Variants in FAT1 observed in about 807,000 individuals in gnomAD.
FAT1 encodes FAT atypical cadherin 1, also known as protocadherin Fat 1.
Under a neutral mutation model 329.8 loss-of-function variants are expected in FAT1, and 171 were observed. The observed-to-expected ratio is 0.52, with a 90% CI of 0.46 to 0.59. The LOEUF is 0.59. Ranked by LOEUF, FAT1 falls within the 20% of genes least tolerant of loss-of-function variation. The pLI, the probability that FAT1 is intolerant of heterozygous loss-of-function variation, is 0.00. For missense variants in FAT1, 5,672 were observed against 5,774.4 expected (o/e 0.98, Z 0.57); for synonymous variants, 2,233 against 2,228.6 (o/e 1.00, Z -0.06).
chr4:186,602,907 G>A lies in FAT1; in HGVS notation c.11478C>T (p.Cys3826=), dbSNP rs776054231. ...CVCPSGRFGQ[C]PGSSSMTLTG... ...ACCCAACCATTCAACTCTCACCTGGGCACTGACCAAACCTGCCGCTGGGAC... is the reference window on the plus strand; with the variant it reads ...ACCCAACCATTCAACTCTCACCTGGACACTGACCAAACCTGCCGCTGGGAC... The change falls in exon 20 of 27, where the codon TGC becomes TGT. Residue 3826 remains cysteine, a synonymous_variant. Coordinates refer to ENST00000441802, the MANE Select transcript of FAT1 (RefSeq NM_005245.4). The A allele has an allele frequency of 2.5e-6, 4 of 1,613,618 alleles. No homozygotes were observed. In the South Asian group the frequency reaches 3.3e-5, roughly 13 times the overall value.
At position 186,604,724 on chromosome 4, in the gene FAT1, G is replaced by T. The variant is rs930358966; in HGVS notation, c.10351-150C>A. The T allele has an allele frequency of 5.5e-6, 3 of 543,978 alleles. No homozygotes were observed. The East Asian group carries it at 9.0e-5, about 16-fold the overall frequency. 33.7% of individuals were successfully genotyped at this position (543,978 alleles called of 1,614,324 possible). On this transcript the variant is annotated intron_variant, in intron 17 of 26. Coordinates refer to ENST00000441802, the MANE Select transcript of FAT1 (RefSeq NM_005245.4). ...AAAGGAAGAGAAGAAAGGTGGAGAC[G>T]GGAGTGTGGTGGTGAGGAGGAGGGA... is the stretch of plus-strand genomic sequence containing the variant.
intron 2 of FAT1, among the ~76,000 whole-genome samples, chr4:186,703,533 T>C (rs1357736549): frequency 6.6e-6 from 1 of 152,238 alleles, no homozygotes; most frequent in African/African-American, 2.4e-5. Flanking sequence ...CCAACACTAG[T>C]AGCTTTAAGT....
chr4:186,708,128 G>A lies in FAT1; in HGVS notation c.1700C>T (p.Pro567Leu), dbSNP rs776244424. 1.9e-6 allele frequency: 3 copies of A among 1,613,978 alleles called. No homozygotes were observed. Among genetic ancestry groups the A allele is most frequent in the South Asian group, 2.2e-5 (2 of 91,080 alleles). ...ITLNNLNDNT[P>L]LFEKINCEGT... is the part of the protein sequence containing the mutation. ...TTCACAATTTATTTTCTCAAACAAA[G>A]GTGTGTTGTCATTCAAGTTATTGAG... The change falls in exon 2 of 27, where the codon CCT becomes CTT. Residue 567 changes from proline to leucine, a missense_variant. This residue lies in a region of FAT1 where 3,966 missense variants were observed against 3,915.2 expected (regional missense o/e 1.01). Coordinates refer to ENST00000441802, the MANE Select transcript of FAT1 (RefSeq NM_005245.4).
intron 1 of FAT1, among the ~76,000 whole-genome samples, chr4:186,723,335 C>T (rs1159454667): frequency 6.6e-6 from 1 of 152,208 alleles, no homozygotes; most frequent in African/African-American, 2.4e-5. Flanking sequence ...CGGCGGGATG[C>T]CCCAGGAGAC....
rs767796174 is a variant in FAT1, at chr4:186,601,391, C to T, written c.11518G>A (p.Val3840Met). 29 of 1,613,054 alleles carry T rather than the reference C, an allele frequency of 1.8e-5. No homozygotes were observed. The highest frequency in any genetic ancestry group is 5.0e-5 in the Admixed American group (3 of 60,002). ...SSMTLTGNSYVKYRLTENENK... is the reference protein window; with the variant it reads ...SSMTLTGNSYMKYRLTENENK... ...TCATTTTCCGTCAGACGGTATTTCA[C>T]GTAGCTGTTTCCAGTCAGTGTCATA... Residue 3840 changes from valine (V) to methionine (M), a missense_variant, in exon 21 of 27, where the codon GTG becomes ATG. Transcript: ENST00000441802.
chr4:186,641,955 C>T (rs929322455), intron 3 of FAT1, among the ~76,000 whole-genome samples: 1 of 151,234 alleles, frequency 6.6e-6, no homozygotes, highest in Non-Finnish European at 1.5e-5. Context: ...CACAGTGAGC[C>T]GAGATTGCGC....
chr4:186,719,862 C>T (rs1029446800), intron 1 of FAT1, among the ~76,000 whole-genome samples: 1 of 152,174 alleles, frequency 6.6e-6, no homozygotes, highest in Non-Finnish European at 1.5e-5. Context: ...CAGAGTATTC[C>T]TACAGTCTTT....
Position 186,600,161 on chromosome 4 carries a change from T to C in FAT1, c.11840A>G (p.Asp3947Gly), listed in dbSNP as rs1396893008. The C allele has an allele frequency of 6.2e-7, 1 of 1,614,068 alleles. No individual in the cohort carries two copies. Among genetic ancestry groups the C allele is most frequent in the Non-Finnish European group, 8.5e-7 (1 of 1,179,906 alleles). ...GTGGCCACCAAAAAACACATAGTTA[T>C]CCAGGTTCAGGGTTTTCAGAGTCCC... ...APGTLKTLNL[D>G]NYVFFGGHIR... The change falls in exon 22 of 27, where the codon GAT becomes GGT. Residue 3947 changes from aspartate (D) to glycine (G), a missense_variant. By Grantham distance (94) the Asp-to-Gly change is moderately conservative (BLOSUM62 -1). Coordinates refer to ENST00000441802, the MANE Select transcript of FAT1 (RefSeq NM_005245.4).
chr4:186,684,721 C>G (rs1743385416), intron 2 of FAT1, among the ~76,000 whole-genome samples: 1 of 151,920 alleles, frequency 6.6e-6, no homozygotes, highest in Admixed American at 6.6e-5. Flanking sequence ...TAACGCAGCA[C>G]AGTGAAACAC....
chr4:186,600,342 G>A lies in FAT1; in HGVS notation c.11659C>T (p.Gln3887Ter), dbSNP rs777379412. 6.2e-7 allele frequency: 1 copy of A among 1,612,044 alleles called. No homozygotes were observed. ...CCACTTCCACAGTCAAACTTGTACT[G>A]CAGCCTTCCATGATGAATCTAGGAT... ...SILEIHHGRL[Q>*]YKFDCGSGPG... Residue 3887 changes from glutamine to a stop codon, truncating the protein, a stop_gained, in exon 22 of 27, where the codon CAG (glutamine) becomes TAG (stop). Coordinates refer to ENST00000441802, the MANE Select transcript of FAT1 (RefSeq NM_005245.4). LOFTEE classifies it high-confidence loss of function.
At chr4:186,605,080 G>A (rs78852602) in intron 17 of FAT1, among the ~76,000 whole-genome samples, 6,312 of 151,956 alleles carry the variant, frequency 0.042, 307 homozygotes, top group East Asian at 0.18. Flanking sequence ...TTAGCCGGGC[G>A]TGGTGGTGGG....
rs1442915670 is a variant in FAT1, at chr4:186,709,738, A to C, written c.90T>G (p.Thr30=). Residue 30 remains threonine (T), a synonymous_variant, in exon 2 of 27, where the codon ACT becomes ACG. Coordinates refer to ENST00000441802, the MANE Select transcript of FAT1 (RefSeq NM_005245.4). The part of the protein sequence containing the change: ...DSDGSQRLEQ[T]PLQFTHLEYN... The stretch of plus-strand genomic sequence containing the variant: ...ACTCGAGGTGTGTAAACTGCAGAGG[A>C]GTCTGTTCAAGTCGTTGGCTGCCAT... The C allele has an allele frequency of 1.9e-6, 3 of 1,613,650 alleles. No homozygotes were observed. The highest frequency in any genetic ancestry group is 2.5e-6 in the Non-Finnish European group (3 of 1,179,786).
chr4:186,651,135 A>G (rs1025828516), intron 3 of FAT1, among the ~76,000 whole-genome samples: 10 of 133,150 alleles, frequency 7.5e-5, no homozygotes, highest in African/African-American at 2.7e-4. Flanking sequence ...AATAATTACT[A>G]AATTTATTTA....
At chr4:186,592,816 G>A (rs898791463) in intron 26 of FAT1, 22 of 455,588 alleles carry the variant, frequency 4.8e-5, no homozygotes, top group African/African-American at 3.4e-4. Context: ...AACAGTGCAT[G>A]AAATAAAGTT....
intron 3 of FAT1, among the ~76,000 whole-genome samples, chr4:186,651,648 G>A (rs533749949): frequency 7.9e-4 from 121 of 152,232 alleles, no homozygotes; most frequent in African/African-American, 2.5e-3. Context: ...ATGCAGAGCC[G>A]ACAAGCCGAC....
intron 3 of FAT1, among the ~76,000 whole-genome samples, chr4:186,645,257 G>A (rs180781817): frequency 1.6e-3 from 246 of 150,520 alleles, no homozygotes; most frequent in African/African-American, 3.0e-3. Flanking sequence ...TTTCAAGGGC[G>A]GAAGAACTGC....
intron 2 of FAT1, among the ~76,000 whole-genome samples, chr4:186,706,209 A>C (rs561634226): frequency 6.6e-6 from 1 of 152,352 alleles, no homozygotes; most frequent in African/African-American, 2.4e-5. Context: ...GACTGAAAAA[A>C]GTTGGAAAGA....
At chr4:186,681,481 C>T (rs961408999) in intron 2 of FAT1, among the ~76,000 whole-genome samples, 6 of 152,102 alleles carry the variant, frequency 3.9e-5, no homozygotes, top group East Asian at 1.9e-4. Context: ...AGAAATCACA[C>T]GATGATGGAA....
At chr4:186,664,008 G>C (rs1742312557) in intron 2 of FAT1, among the ~76,000 whole-genome samples, 1 of 152,098 alleles carries the variant, frequency 6.6e-6, no homozygotes, top group Non-Finnish European at 1.5e-5. Context: ...AGTTGGTTGA[G>C]AGACGTGCTG....
Sources: allele counts gnomAD v4.1 joint callset (sites outside exome capture counted in the v4.1 genomes callset), GRCh38; gene constraint gnomAD v4.1.1; regional missense constraint gnomAD v4.1.1; transcripts MANE v1.5; gene names NCBI Gene and HGNC (gene_info 2026-07-23, HGNC 2026-07-21).